The following PNPLA6 variants were observed in gnomAD, a reference collection of about 807,000 sequenced individuals.
The protein encoded by PNPLA6 is patatin-like phospholipase domain-containing protein 6.
Under a neutral mutation model 153.7 loss-of-function variants are expected in PNPLA6, and 105 were observed. That is an observed-to-expected ratio of 0.68 (90% CI 0.58 to 0.80). PNPLA6 has a LOEUF of 0.80. Among genes scored for constraint, PNPLA6 ranks in the 30% least tolerant of loss-of-function variants. The pLI is 0.00. For missense variants in PNPLA6, 1,423 were observed against 1,919.3 expected (o/e 0.74, Z 4.83); for synonymous variants, 825 against 822.2 (o/e 1.00, Z -0.06).
rs1442027160 is a variant in PNPLA6, at chr19:7,540,267, G to A, written c.673G>A (p.Val225Met). 2 of 1,609,124 alleles carry A rather than the reference G, an allele frequency of 1.2e-6. No homozygotes were observed. Among genetic ancestry groups the A allele is most frequent in the Middle Eastern group, 1.7e-4 (1 of 5,976 alleles). Residue 225 changes from valine to methionine, a missense_variant, in exon 5 of 32, where the codon GTG (valine) becomes ATG (methionine). Physicochemically the swap from Val to Met is conservative, Grantham distance 21. Coordinates refer to ENST00000600737, the MANE Select transcript of PNPLA6 (RefSeq NM_001166114.2). This position sits in a 1 kb window ranked among gnomAD's most constrained non-coding sequence, Gnocchi z 6.8. ...GGGCCAGCCAGATGCCAGCATCTAC[G>A]TGGTGCAGGACGGGCTGCTGGAGCT... ...RPGQPDASIYVVQDGLLELCL... is the reference protein window; with the variant it reads ...RPGQPDASIYMVQDGLLELCL...
At chr19:7,543,190 A>G in intron 13 of PNPLA6, 106 bp downstream of exon 13, 3 of 979,558 alleles carry the variant, frequency 3.1e-6, no homozygotes, top group East Asian at 2.5e-5. Context: ...ACCTTCTCCC[A>G]TAGAAGCAGA....
Position 7,561,753 on chromosome 19 carries a change from G to C in PNPLA6, c.*191G>C, listed in dbSNP as rs1415077623. ...GACCAGCCCCTCCCCCAATAAACTC[G>C]CCTCTTGGAAATGGCTTCCTGTCGT... On this transcript the variant is annotated 3_prime_UTR_variant, in exon 32 of 32. Transcript: ENST00000600737. 2.9e-6 allele frequency: 2 copies of C among 700,632 alleles called. No homozygotes were observed. The highest frequency in any genetic ancestry group is 1.5e-5 in the South Asian group (1 of 66,726). 43.4% of individuals were successfully genotyped at this position (700,632 alleles called of 1,614,324 possible). A position where few individuals can be genotyped will look rare whatever the true frequency, so the allele number is the denominator to read the frequency against.
At chr19:7,548,704 C>CAT (rs57331367) in intron 13 of PNPLA6, among the ~76,000 whole-genome samples, 10 of 150,018 alleles carry the variant, frequency 6.7e-5, no homozygotes, top group South Asian at 2.1e-4. Context: ...GTATATGGAA[C>CAT]ATATATATAT....
At position 7,535,857 on chromosome 19, in the gene PNPLA6, C is replaced by T. The variant is rs1399131424; in HGVS notation, c.69C>T (p.Phe23=). ...SGAKVAERDG[F]QDVLAPGEGS... Reference sequence around the variant, plus strand: ...CGAAGGTGGCGGAGAGGGATGGGTTCCAGGACGTCCTGGCGCCCGGGGAAG... The same window carrying T: ...CGAAGGTGGCGGAGAGGGATGGGTTTCAGGACGTCCTGGCGCCCGGGGAAG... The change falls in exon 1 of 32, where the codon TTC becomes TTT. Residue 23 remains phenylalanine (F), a synonymous_variant. Coordinates refer to ENST00000600737, the MANE Select transcript of PNPLA6 (RefSeq NM_001166114.2). The surrounding 1 kb of genome is among the most constrained non-coding windows in gnomAD (Gnocchi z 5.0). The T allele has an allele frequency of 6.5e-7, 1 of 1,538,866 alleles. No homozygotes were observed. Among genetic ancestry groups the T allele is most frequent in the South Asian group, 1.2e-5 (1 of 84,168 alleles).
In PNPLA6 at chr19:7,540,437, C is replaced by A; in HGVS notation, c.714+129C>A. ...AGTCAGGGGAACGGGTGACCGAGGA[C>A]ATTTGGGGTAGTCTGCGTAGTTGCT... On this transcript the variant is annotated intron_variant, in intron 5 of 31. Transcript: ENST00000600737. This position sits in a 1 kb window ranked among gnomAD's most constrained non-coding sequence, Gnocchi z 6.8. 8.8e-7 allele frequency: 1 copy of A among 1,141,704 alleles called. No homozygotes were observed. Among genetic ancestry groups the A allele is most frequent in the South Asian group, 1.4e-5 (1 of 69,520 alleles). The allele number at this position is 1,141,704 out of a possible 1,614,324, so 70.7% of individuals were successfully genotyped here.
Position 7,555,702 on chromosome 19 carries a change from C to G in PNPLA6, c.3032C>G (p.Ala1011Gly). The G allele has an allele frequency of 6.2e-7, 1 of 1,613,780 alleles. No homozygotes were observed. The highest frequency in any genetic ancestry group is 8.5e-7 in the Non-Finnish European group (1 of 1,179,868). The stretch of plus-strand genomic sequence containing the variant: ...ACGTCCATTGGCTCTTTCATCGGAG[C>G]GTTGTACGCGGAGGAGCGCAGCGCC... ...GGTSIGSFIG[A>G]LYAEERSASR... The change falls in exon 24 of 32, where the codon GCG becomes GGG. Residue 1011 changes from alanine to glycine, a missense_variant. By Grantham distance (60) the Ala-to-Gly change is moderately conservative. Transcript: ENST00000600737. The surrounding 1 kb of genome is among the most constrained non-coding windows in gnomAD (Gnocchi z 6.3).
At position 7,554,218 on chromosome 19, in the gene PNPLA6, T is replaced by C. The variant is rs148308965; in HGVS notation, c.2411T>C (p.Leu804Pro). The change falls in exon 20 of 32, where the codon CTA (leucine) becomes CCA (proline). Residue 804 changes from leucine (L) to proline (P), a missense_variant. Around this residue, in one of 10 missense-constraint regions of PNPLA6, gnomAD observed 643 missense variants for 835.2 expected, o/e 0.77. Transcript: ENST00000600737. ...QHALQAIGPT[L>P]LLNSDIIRAR... ...CCCCACCTACCCCTAGGTCCGACGC[T>C]ACTCCTTAACAGTGACATCATCCGG... 6.2e-7 allele frequency: 1 copy of C among 1,614,086 alleles called. No individual in the cohort carries two copies. The highest frequency in any genetic ancestry group is 8.5e-7 in the Non-Finnish European group (1 of 1,179,940).
chr19:7,540,278 C>G lies in PNPLA6; in HGVS notation c.684C>G (p.Asp228Glu). 1.2e-6 allele frequency: 2 copies of G among 1,607,774 alleles called. No homozygotes were observed. Among genetic ancestry groups the G allele is most frequent in the Middle Eastern group, 1.7e-4 (1 of 5,794 alleles). ...ATGCCAGCATCTACGTGGTGCAGGA[C>G]GGGCTGCTGGAGCTCTGTCTGCCAG... ...QPDASIYVVQ[D>E]GLLELCLPGP... The change falls in exon 5 of 32, where the codon GAC becomes GAG. Residue 228 changes from aspartate (D) to glutamate (E), a missense_variant. This residue lies in a region of PNPLA6 where 118 missense variants were observed against 158.8 expected (regional missense o/e 0.74). Coordinates refer to ENST00000600737, the MANE Select transcript of PNPLA6 (RefSeq NM_001166114.2). This position sits in a 1 kb window ranked among gnomAD's most constrained non-coding sequence, Gnocchi z 6.8.
At chr19:7,549,837 G>A in intron 13 of PNPLA6, 70 bp from the exon 14 acceptor site, 1 of 1,424,610 alleles carries the variant, frequency 7.0e-7, no homozygotes, top group South Asian at 1.1e-5. Flanking sequence ...TTTCCTGTGG[G>A]GGCATGTTGA....
chr19:7,549,338 C>A (rs1288826732), intron 13 of PNPLA6, among the ~76,000 whole-genome samples: 3 of 151,028 alleles, frequency 2.0e-5, no homozygotes, highest in Non-Finnish European at 2.9e-5. Flanking sequence ...AGGCGCCCGC[C>A]ACCACACCCG....
At chr19:7,559,172 T>C in intron 28 of PNPLA6, 21 bp downstream of exon 28, 1 of 1,608,878 alleles carries the variant, frequency 6.2e-7, no homozygotes, top group East Asian at 2.2e-5. Context: ...AGGAGTGGCA[T>C]GGTGCCTGCA....
intron 13 of PNPLA6, among the ~76,000 whole-genome samples, chr19:7,545,104 G>C (rs1489565498): frequency 6.6e-6 from 1 of 151,922 alleles, no homozygotes; most frequent in Admixed American, 6.6e-5. Flanking sequence ...TTGGCTCACT[G>C]CAACCTCTGC....
rs943108589 is a variant in PNPLA6 at position 7,555,424 on chromosome 19, C to A, written c.2936+57C>A. ...GCCTGGATGTCCGAGGGTGGAGCTT[C>A]CTGGGAGAAACCGTGGGGGCGGGGC... is the stretch of plus-strand genomic sequence containing the variant. On this transcript the variant is annotated intron_variant, in intron 23 of 31. Coordinates refer to ENST00000600737, the MANE Select transcript of PNPLA6 (RefSeq NM_001166114.2). This position sits in a 1 kb window ranked among gnomAD's most constrained non-coding sequence, Gnocchi z 6.3. 7.1e-7 allele frequency: 1 copy of A among 1,403,530 alleles called. No individual in the cohort carries two copies. The highest frequency in any genetic ancestry group is 2.5e-5 in the East Asian group (1 of 40,338). 86.9% of individuals were successfully genotyped at this position (1,403,530 alleles called of 1,614,324 possible).
Position 7,550,982 on chromosome 19 carries a change from G to C in PNPLA6, c.2071-12G>C. The stretch of plus-strand genomic sequence containing the variant: ...CACCCAAGCAGCCCCAATCATGCAC[G>C]CGGCCCCCCAGGTGGAGGCACTGAC... On this transcript the variant is annotated splice_polypyrimidine_tract_variant and intron_variant, in intron 16 of 31. Transcript: ENST00000600737. 1 of 1,521,770 alleles carries C rather than the reference G, an allele frequency of 6.6e-7. No individual in the cohort carries two copies. The highest frequency in any genetic ancestry group is 8.9e-7 in the Non-Finnish European group (1 of 1,127,208). The allele number at this position is 1,521,770 out of a possible 1,614,324, so 94.3% of individuals were successfully genotyped here.
At chr19:7,551,163 G>A in intron 17 of PNPLA6, 56 bp downstream of exon 17, 1 of 1,176,416 alleles carries the variant, frequency 8.5e-7, no homozygotes, top group Non-Finnish European at 1.2e-6. Context: ...GGGGGGGTGG[G>A]GGCCGGGCCT....
At position 7,535,778 on chromosome 19, in the gene PNPLA6, C is replaced by A. The variant is rs561078094; in HGVS notation, c.-11C>A. The stretch of plus-strand genomic sequence containing the variant: ...CCCCCGGGGAGGGAGCAGCACTGGC[C>A]CATTCTGCAGATGGGGACATCGAGT... On this transcript the variant is annotated 5_prime_UTR_variant, in exon 1 of 32. Coordinates refer to ENST00000600737, the MANE Select transcript of PNPLA6 (RefSeq NM_001166114.2). This position sits in a 1 kb window ranked among gnomAD's most constrained non-coding sequence, Gnocchi z 5.0. 1 of 1,534,486 alleles carries A rather than the reference C, an allele frequency of 6.5e-7. No individual in the cohort carries two copies. Among genetic ancestry groups the A allele is most frequent in the East Asian group, 2.4e-5 (1 of 40,852 alleles).
chr19:7,541,923 C>T lies in PNPLA6; in HGVS notation c.1169-61C>T. On this transcript the variant is annotated intron_variant, in intron 9 of 31. Coordinates refer to ENST00000600737, the MANE Select transcript of PNPLA6 (RefSeq NM_001166114.2). The surrounding 1 kb of genome is among the most constrained non-coding windows in gnomAD (Gnocchi z 5.2). ...CAGTCGCCAGCATCTCCTTATCTCC[C>T]AACCTGCTAATCCTCCTAGTGGCTC... The T allele has an allele frequency of 3.5e-6, 5 of 1,438,634 alleles. No homozygotes were observed. Among genetic ancestry groups the T allele is most frequent in the Non-Finnish European group, 4.9e-6 (5 of 1,028,988 alleles). 89.1% of individuals were successfully genotyped at this position (1,438,634 alleles called of 1,614,324 possible).
rs1300148442 is a variant in PNPLA6, at chr19:7,541,186, G to A, written c.924+135G>A. 3.2e-5 allele frequency: 38 copies of A among 1,190,080 alleles called. No homozygotes were observed. The highest frequency in any genetic ancestry group is 4.2e-5 in the Non-Finnish European group (35 of 824,130). The allele number at this position is 1,190,080 out of a possible 1,614,324, so 73.7% of individuals were successfully genotyped here. Reference sequence around the variant, plus strand: ...GGTTATCGGCCTGGAGCAGCCAGATGTCTGCAGCCGCGGACTCCTCCCTTA... The same window carrying A: ...GGTTATCGGCCTGGAGCAGCCAGATATCTGCAGCCGCGGACTCCTCCCTTA... On this transcript the variant is annotated intron_variant, in intron 7 of 31. Transcript: ENST00000600737. The surrounding 1 kb of genome is among the most constrained non-coding windows in gnomAD (Gnocchi z 5.2).
rs528780249 is a variant in PNPLA6, at chr19:7,552,311, G to C, written c.2260+874G>C. ...GGGGTTGGAGGCCTGCTGAAATGAG[G>C]GCCTGAGTTTCTACATTGTGGTGGC... On this transcript the variant is annotated intron_variant, in intron 18 of 31. Transcript: ENST00000600737. Among the ~76,000 whole-genome samples, 662 of 152,224 alleles carry C rather than the reference G, an allele frequency of 4.3e-3. 3 individuals carry two copies. Among genetic ancestry groups the C allele is most frequent in the Non-Finnish European group, 6.5e-3 (444 of 68,008 alleles).
Sources: gnomAD v4.1 joint callset for allele counts (sites outside exome capture counted in the v4.1 genomes callset) on GRCh38, gnomAD v4.1.1 for gene constraint, gnomAD v4.1.1 regional missense constraint, Gnocchi (gnomAD v3.1) non-coding constraint, MANE v1.5 for transcripts, NCBI Gene and HGNC (gene_info 2026-07-23, HGNC 2026-07-21) for gene names.